Variants in CDH13 observed in about 807,000 individuals in gnomAD.
CDH13 encodes cadherin 13.
Under a neutral mutation model 63.8 loss-of-function variants are expected in CDH13, and 24 were observed. The observed-to-expected ratio is 0.38, with a 90% CI of 0.27 to 0.53. CDH13 has a LOEUF of 0.53. Ranked by LOEUF, CDH13 falls within the 20% of genes least tolerant of loss-of-function variation. The probability of loss-of-function intolerance (pLI) is 0.85; values close to 1 mark genes in which losing one functional copy is unlikely to be tolerated. For missense variants in CDH13, 1,049 were observed against 903.1 expected, an observed-to-expected ratio of 1.16 and a Z score of -2.07; for synonymous variants, 503 against 355.3, an observed-to-expected ratio of 1.42 and a Z score of -4.67.
intron 4 of CDH13, among the ~76,000 whole-genome samples, chr16:83,140,751 G>A (rs1028916276): frequency 2.0e-5 from 3 of 152,178 alleles, no homozygotes; most frequent in African/African-American, 4.8e-5. Flanking sequence ...CGCTGCACCC[G>A]GCCGATCTGA....
chr16:83,166,609 G>A (rs1345365410), intron 4 of CDH13, among the ~76,000 whole-genome samples: 3 of 152,100 alleles, frequency 2.0e-5, no homozygotes, highest in Non-Finnish European at 1.5e-5. Context: ...GCAGTTCAGA[G>A]GGAATATAGA....
intron 7 of CDH13, among the ~76,000 whole-genome samples, chr16:83,529,598 CCT>C (rs1460508092): frequency 6.6e-6 from 1 of 151,694 alleles, no homozygotes; most frequent in African/African-American, 2.4e-5. Context: ...ATAAAAATTC[CCT>C]GTGTGTGTTT....
chr16:82,831,036 T>C (rs992561056), intron 1 of CDH13, among the ~76,000 whole-genome samples: 1 of 152,128 alleles, frequency 6.6e-6, no homozygotes, highest in Admixed American at 6.5e-5. Context: ...CTCTCCTTTA[T>C]TCTCTAGAGT....
intron 5 of CDH13, among the ~76,000 whole-genome samples, chr16:83,330,454 G>A (rs901223959): frequency 2.6e-5 from 4 of 152,152 alleles, no homozygotes; most frequent in Non-Finnish European, 5.9e-5. Flanking sequence ...TGCAAGAGGA[G>A]ACCCATCTAG....
At chr16:83,068,579 G>A (rs2032201616) in intron 3 of CDH13, among the ~76,000 whole-genome samples, 1 of 152,102 alleles carries the variant, frequency 6.6e-6, no homozygotes, top group African/African-American at 2.4e-5. Flanking sequence ...CTCTGAACCA[G>A]CCACCTGACC....
At chr16:82,947,558 G>T (rs1415329233) in intron 2 of CDH13, among the ~76,000 whole-genome samples, 2 of 151,804 alleles carry the variant, frequency 1.3e-5, no homozygotes, top group African/African-American at 4.8e-5. Flanking sequence ...AATAAGAATG[G>T]TACAAAATTA....
intron 8 of CDH13, among the ~76,000 whole-genome samples, chr16:83,625,455 T>G (rs562727028): frequency 1.3e-5 from 2 of 152,174 alleles, no homozygotes; most frequent in Non-Finnish European, 2.9e-5. Flanking sequence ...TCCTTCCACA[T>G]GCTACTGACC....
chr16:82,785,650 A>C (rs2035968020), intron 1 of CDH13, among the ~76,000 whole-genome samples: 1 of 152,236 alleles, frequency 6.6e-6, no homozygotes, highest in Admixed American at 6.5e-5. Flanking sequence ...GATAATCAGT[A>C]AAACCACCCA....
chr16:83,770,082 GT>G (rs1914661323), intron 11 of CDH13, among the ~76,000 whole-genome samples: 1 of 152,138 alleles, frequency 6.6e-6, no homozygotes, highest in South Asian at 2.1e-4. Context: ...ACCTGACCCT[GT>G]TTCTCATTGC....
intron 2 of CDH13, among the ~76,000 whole-genome samples, chr16:83,030,336 C>G (rs1916187477): frequency 1.3e-5 from 2 of 152,108 alleles, no homozygotes; most frequent in African/African-American, 4.8e-5. Flanking sequence ...AAATTATAAT[C>G]ATTGTATTGG....
intron 5 of CDH13, among the ~76,000 whole-genome samples, chr16:83,259,446 C>A (rs1032172747): frequency 6.6e-6 from 1 of 152,160 alleles, no homozygotes; most frequent in Non-Finnish European, 1.5e-5. Context: ...ACCTCCCTTT[C>A]TCAGCATCCT....
chr16:83,442,435 C>T (rs540946733), intron 6 of CDH13, among the ~76,000 whole-genome samples: 4 of 152,320 alleles, frequency 2.6e-5, no homozygotes, highest in Non-Finnish European at 4.4e-5. Flanking sequence ...ACAAAGACAT[C>T]CTTGGCCAGT....
intron 2 of CDH13, among the ~76,000 whole-genome samples, chr16:82,882,655 G>C (rs35359335): frequency 2.0e-4 from 30 of 151,714 alleles, no homozygotes; most frequent in Non-Finnish European, 1.0e-4. Flanking sequence ...CCTTCTTTCC[G>C]TTCTCCCTTT....
intron 6 of CDH13, among the ~76,000 whole-genome samples, chr16:83,477,653 T>C (rs1567699079): frequency 6.6e-6 from 1 of 152,164 alleles, no homozygotes; most frequent in Non-Finnish European, 1.5e-5. Context: ...GCAAAATGTT[T>C]CCCATGGATG....
intron 7 of CDH13, among the ~76,000 whole-genome samples, chr16:83,591,109 C>T (rs1906701913): frequency 6.6e-6 from 1 of 151,830 alleles, no homozygotes; most frequent in Non-Finnish European, 1.5e-5. Context: ...TGGGGGTTCA[C>T]CAGGTTGGCC....
intron 7 of CDH13, among the ~76,000 whole-genome samples, chr16:83,529,214 G>C (rs930420806): frequency 6.6e-6 from 1 of 151,898 alleles, no homozygotes; most frequent in Non-Finnish European, 1.5e-5. Context: ...TTGGAGGTCA[G>C]ACTCTGAAGT....
chr16:83,497,281 A>G (rs1485389635), intron 7 of CDH13, among the ~76,000 whole-genome samples: 2 of 152,080 alleles, frequency 1.3e-5, no homozygotes, highest in African/African-American at 4.8e-5. Context: ...ACAATGATAG[A>G]CTGGATTAAG....
chr16:83,478,857 AAAAAG>A (rs1177939499), intron 6 of CDH13, among the ~76,000 whole-genome samples: 2 of 152,078 alleles, frequency 1.3e-5, no homozygotes, highest in African/African-American at 2.4e-5. Context: ...AAAAAAAGAA[AAAAAG>A]AAAAAGCTGA....
At chr16:82,677,446 CTTTTT>C (rs3041877) in intron 1 of CDH13, among the ~76,000 whole-genome samples, 1 of 130,728 alleles carries the variant, frequency 7.6e-6, no homozygotes, top group Non-Finnish European at 1.6e-5. Flanking sequence ...ACTCTTCTGC[CTTTTT>C]TTTTTTTTTT....
Sources: gnomAD v4.1 joint callset for allele counts (sites outside exome capture counted in the v4.1 genomes callset) on GRCh38, gnomAD v4.1.1 for gene constraint, MANE v1.5 for transcripts, NCBI Gene and HGNC (gene_info 2026-07-23, HGNC 2026-07-21) for gene names.